The following BABAM2 variants were observed in gnomAD, a reference collection of about 807,000 sequenced individuals.
BABAM2 encodes BRISC and BRCA1 A complex member 2, also known as BRISC and BRCA1-A complex member 2.
A neutral mutation model predicts 54.7 loss-of-function variants in BABAM2; 31 were observed. That is an observed-to-expected ratio of 0.57 (90% CI 0.43 to 0.77). The LOEUF (loss-of-function observed/expected upper bound fraction) is 0.77, where lower values mean the gene tolerates loss of function less well. Ranked by LOEUF, BABAM2 falls within the 30% of genes least tolerant of loss-of-function variation. The probability of loss-of-function intolerance (pLI) is 0.00; values close to 1 mark genes in which losing one functional copy is unlikely to be tolerated. For missense variants in BABAM2, 364 were observed against 455.8 expected (o/e 0.80, Z 1.83); for synonymous variants, 167 against 162.9 (o/e 1.03, Z -0.19).
intron 10 of BABAM2, among the ~76,000 whole-genome samples, chr2:28,281,529 T>G (rs778507443): frequency 2.6e-5 from 4 of 152,124 alleles, no homozygotes; most frequent in Admixed American, 6.5e-5. Context: ...TTTCCAGAGA[T>G]GGAAGCAGCA....
Position 28,016,037 on chromosome 2 carries a change from A to G in BABAM2, c.301-9189A>G, listed in dbSNP as rs1214124564. 3 of 663,956 alleles carry G rather than the reference A, an allele frequency of 4.5e-6. No individual in the cohort carries two copies. The Admixed American group carries it at 6.7e-5, about 15-fold the overall frequency. 41.1% of individuals were successfully genotyped at this position (663,956 alleles called of 1,614,324 possible). A position where few individuals can be genotyped will look rare whatever the true frequency, so the allele number is the denominator to read the frequency against. ...TTTTTTAAATTATCCTTACTGTCTGATTCAGTTTCTGACATGGACCTTTCA... is the reference window on the plus strand; with the variant it reads ...TTTTTTAAATTATCCTTACTGTCTGGTTCAGTTTCTGACATGGACCTTTCA... On this transcript the variant is annotated intron_variant, in intron 4 of 11. Transcript: ENST00000379624.
At chr2:28,013,525 C>G in intron 4 of BABAM2, 1 of 402,410 alleles carries the variant, frequency 2.5e-6, no homozygotes, top group South Asian at 1.9e-5. Context: ...GCATTTTGCC[C>G]AAGACATATG....
At chr2:28,337,704 G>A (rs148941865) in intron 11 of BABAM2, among the ~76,000 whole-genome samples, 2 of 152,362 alleles carry the variant, frequency 1.3e-5, no homozygotes, top group Non-Finnish European at 2.9e-5. Flanking sequence ...AATTATTAGG[G>A]CTGGGTGTGG....
At chr2:28,250,584 C>CTTTTTTTTTTTT (rs34597279) in intron 10 of BABAM2, among the ~76,000 whole-genome samples, 26 of 137,000 alleles carry the variant, frequency 1.9e-4, no homozygotes, top group East Asian at 4.3e-4. Context: ...ATATTTTTTT[C>CTTTTTTTTTTTT]TTTTTTTTTT....
intron 4 of BABAM2, among the ~76,000 whole-genome samples, chr2:27,999,315 G>A (rs1673401232): frequency 6.6e-6 from 1 of 151,948 alleles, no homozygotes; most frequent in Non-Finnish European, 1.5e-5. Flanking sequence ...GGTTCTAGCT[G>A]ACTCTTCAAG....
intron 3 of BABAM2, among the ~76,000 whole-genome samples, chr2:27,957,555 T>G (rs1372252545): frequency 6.6e-6 from 1 of 152,006 alleles, no homozygotes; most frequent in Non-Finnish European, 1.5e-5. Context: ...TATTTCTTTA[T>G]CTAAGCCTAC....
intron 3 of BABAM2, among the ~76,000 whole-genome samples, chr2:27,955,412 C>T (rs1670013651): frequency 6.6e-6 from 1 of 152,160 alleles, no homozygotes; most frequent in African/African-American, 2.4e-5. Context: ...TGCTTTCTTC[C>T]TTTAAAGAAC....
intron 11 of BABAM2, among the ~76,000 whole-genome samples, chr2:28,306,245 C>T (rs1688508884): frequency 6.6e-6 from 1 of 152,106 alleles, no homozygotes; most frequent in Non-Finnish European, 1.5e-5. Context: ...AGTTAAATTA[C>T]TTGTTAGTGT....
intron 6 of BABAM2, among the ~76,000 whole-genome samples, chr2:28,087,801 A>G (rs974696542): frequency 6.6e-6 from 1 of 152,054 alleles, no homozygotes; most frequent in African/African-American, 2.4e-5. Flanking sequence ...GGCGTGCGCC[A>G]CTATGCCCTG....
At chr2:27,968,963 G>A (rs1389753714) in intron 3 of BABAM2, among the ~76,000 whole-genome samples, 1 of 152,158 alleles carries the variant, frequency 6.6e-6, no homozygotes, top group Non-Finnish European at 1.5e-5. Context: ...GGGGTGGAAT[G>A]ATATGGCTTG....
chr2:28,010,445 C>T (rs1227006705), intron 4 of BABAM2, among the ~76,000 whole-genome samples: 3 of 152,002 alleles, frequency 2.0e-5, no homozygotes, highest in African/African-American at 7.2e-5. Context: ...CAATTTTTGT[C>T]TCTGGCAGAA....
chr2:28,156,222 G>A (rs781255371), intron 7 of BABAM2, among the ~76,000 whole-genome samples: 23 of 152,048 alleles, frequency 1.5e-4, no homozygotes, highest in African/African-American at 3.6e-4. Flanking sequence ...AAGATTTGTC[G>A]CAAATGTCAC....
At chr2:28,240,963 G>A (rs1682368869) in intron 8 of BABAM2, among the ~76,000 whole-genome samples, 1 of 151,504 alleles carries the variant, frequency 6.6e-6, no homozygotes, top group South Asian at 2.1e-4. Flanking sequence ...AGGAAATTTT[G>A]AAAATGGACA....
intron 7 of BABAM2, among the ~76,000 whole-genome samples, chr2:28,234,364 T>G (rs1351471188): frequency 6.6e-6 from 1 of 152,128 alleles, no homozygotes; most frequent in Non-Finnish European, 1.5e-5. Context: ...CCTTTGGATC[T>G]CTTCACACCT....
chr2:27,980,493 C>G (rs1324796877), intron 3 of BABAM2, among the ~76,000 whole-genome samples: 1 of 152,148 alleles, frequency 6.6e-6, no homozygotes, highest in Non-Finnish European at 1.5e-5. Flanking sequence ...GATTTACTGA[C>G]TGTTCTGCAT....
At position 28,304,405 on chromosome 2, in the gene BABAM2, TATAA is replaced by T. The variant is rs1210136262; in HGVS notation, c.1088+5918_1088+5921del. On this transcript the variant is annotated intron_variant, in intron 11 of 11. Coordinates refer to ENST00000379624, the MANE Select transcript of BABAM2 (RefSeq NM_199191.3). This position sits in a 1 kb window ranked among gnomAD's most constrained non-coding sequence, Gnocchi z 4.0. ...TATAAAAATATAAATATAAAATATT[TATAA>T]ATATATAAAAATATAAACAAAATTT... is the stretch of plus-strand genomic sequence containing the variant. Among the ~76,000 whole-genome samples the T allele has an allele frequency of 6.7e-6, 1 of 149,680 alleles. No homozygotes were observed. The highest frequency in any genetic ancestry group is 1.5e-5 in the Non-Finnish European group (1 of 67,432).
At chr2:27,954,611 G>A (rs1208724981) in intron 3 of BABAM2, among the ~76,000 whole-genome samples, 2 of 152,250 alleles carry the variant, frequency 1.3e-5, no homozygotes, top group African/African-American at 2.4e-5. Context: ...CAGAAGGCAA[G>A]TCTAGAAATA....
chr2:28,292,235 A>G (rs1687339805), intron 10 of BABAM2, among the ~76,000 whole-genome samples: 1 of 152,194 alleles, frequency 6.6e-6, no homozygotes, highest in South Asian at 2.1e-4. Context: ...ATATTTGATG[A>G]TGTGACTCCC....
intron 3 of BABAM2, among the ~76,000 whole-genome samples, chr2:27,953,136 G>A (rs1019501014): frequency 2.6e-4 from 39 of 151,970 alleles, no homozygotes; most frequent in African/African-American, 9.4e-4. Flanking sequence ...ATCCTCCTGA[G>A]TAGCTAGGAC....
Sources: gnomAD v4.1 joint callset for allele counts (sites outside exome capture counted in the v4.1 genomes callset) on GRCh38, gnomAD v4.1.1 for gene constraint, Gnocchi (gnomAD v3.1) non-coding constraint, MANE v1.5 for transcripts, NCBI Gene and HGNC (gene_info 2026-07-23, HGNC 2026-07-21) for gene names.